NRBP2: variants seen among roughly 807,000 people sequenced by gnomAD.
NRBP2 encodes nuclear receptor binding protein 2, also known as nuclear receptor-binding protein 2.
Under a neutral mutation model 74.4 loss-of-function variants are expected in NRBP2, and 47 were observed. The observed-to-expected ratio is 0.63, with a 90% CI of 0.50 to 0.81. The LOEUF is 0.81. Ranked by LOEUF, NRBP2 falls within the 30% of genes least tolerant of loss-of-function variation. The pLI is 0.00. For synonymous variants in NRBP2, 312 were observed against 273.8 expected (o/e 1.14, Z -1.38); for missense variants, 613 against 690.1 (o/e 0.89, Z 1.25).
downstream of NRBP2, among the ~76,000 whole-genome samples, chr8:143,833,103 G>A (rs916539565): frequency 6.6e-6 from 1 of 152,204 alleles, no homozygotes; most frequent in Non-Finnish European, 1.5e-5. Context: ...CCACTGGGCT[G>A]TAAGTCCAAG....
rs1477843484 is a variant in NRBP2 at position 143,839,932 on chromosome 8, C to G, written c.351G>C (p.Ala117=). 6.5e-7 allele frequency: 1 copy of G among 1,536,006 alleles called. No individual in the cohort carries two copies. The highest frequency in any genetic ancestry group is 1.4e-5 in the African/African-American group (1 of 73,068). ...CCGGGGCCTTGCCCGTGCTCACCCT[C>G]GCGCAGGCCTCAGAGGTATCCAGCC... ...KYWLDTSEAC[A]RVIFITEYVS... Residue 117 remains alanine (A), a synonymous_variant, in exon 3 of 18, where the codon GCG becomes GCC. Transcript: ENST00000442628. The surrounding 1 kb of genome is among the most constrained non-coding windows in gnomAD (Gnocchi z 5.1).
chr8:143,838,841 TAGG>T (rs781808716), intron 9 of NRBP2, 39 bp downstream of exon 9: 37 of 1,612,476 alleles, frequency 2.3e-5, no homozygotes, highest in Middle Eastern at 3.3e-4. Context: ...AGGGCACAGT[TAGG>T]AGGAGGGCAG....
At chr8:143,830,343 G>A (rs1818100963), downstream of NRBP2, among the ~76,000 whole-genome samples, 1 of 152,230 alleles carries the variant, frequency 6.6e-6, no homozygotes, top group South Asian at 2.1e-4. Flanking sequence ...CTACAGAAAG[G>A]AAACCCCAGA....
rs528780173 is a variant in NRBP2 at position 143,835,017 on chromosome 8, T to A, written c.*645A>T. On this transcript the variant is annotated 3_prime_UTR_variant, in exon 18 of 18. Coordinates refer to ENST00000442628, the MANE Select transcript of NRBP2 (RefSeq NM_178564.4). The surrounding 1 kb of genome is among the most constrained non-coding windows in gnomAD (Gnocchi z 4.9). ...TGCAGAGGGGCTGCAAGTTCTGGTC[T>A]CAGGGTGGGTAAAGGGTCAAAGAGG... 1.3e-5 allele frequency: 2 copies of A among 152,982 alleles called. No individual in the cohort carries two copies. The highest frequency in any genetic ancestry group is 3.9e-4 in the East Asian group (2 of 5,184). The allele number at this position is 152,982 out of a possible 1,614,324, so 9.5% of individuals were successfully genotyped here. A position where few individuals can be genotyped will look rare whatever the true frequency, so the allele number is the denominator to read the frequency against.
At position 143,837,850 on chromosome 8, in the gene NRBP2, C is replaced by T. The variant is rs781934091; in HGVS notation, c.841-95G>A. The T allele has an allele frequency of 2.1e-6, 3 of 1,459,810 alleles. No individual in the cohort carries two copies. Among genetic ancestry groups the T allele is most frequent in the Non-Finnish European group, 2.8e-6 (3 of 1,071,156 alleles). 90.4% of individuals were successfully genotyped at this position (1,459,810 alleles called of 1,614,324 possible). On this transcript the variant is annotated intron_variant, in intron 10 of 17. Transcript: ENST00000442628. The surrounding 1 kb of genome is among the most constrained non-coding windows in gnomAD (Gnocchi z 4.3). ...GGTGGCCCCTGAGTTCCCCATGTCC[C>T]TCCTCAGGGACACACAGGACATGCA...
At chr8:143,836,066 C>T in intron 15 of NRBP2, 36 bp from the exon 16 acceptor site, 1 of 1,573,146 alleles carries the variant, frequency 6.4e-7, no homozygotes, top group Non-Finnish European at 8.6e-7. Context: ...GCTGGGGGTT[C>T]AGGGCTCCGC....
rs1586647415 is a variant in NRBP2 at position 143,834,635 on chromosome 8, C to T, written c.*1027G>A. The T allele has an allele frequency of 4.6e-5, 7 of 152,204 alleles. No homozygotes were observed. Among genetic ancestry groups the T allele is most frequent in the Admixed American group, 3.9e-4 (6 of 15,286 alleles). 9.4% of individuals were successfully genotyped at this position (152,204 alleles called of 1,614,324 possible). The stretch of plus-strand genomic sequence containing the variant: ...GACATTTGAAATGCGTTTAGAAAGG[C>T]ATGAATGCGCTAATGTATACATACA... On this transcript the variant is annotated 3_prime_UTR_variant, in exon 18 of 18. Transcript: ENST00000442628.
Position 143,840,055 on chromosome 8 carries a change from G to A in NRBP2, c.253-25C>T. The A allele has an allele frequency of 1.3e-6, 2 of 1,536,190 alleles. No individual in the cohort carries two copies. The highest frequency in any genetic ancestry group is 1.2e-5 in the South Asian group (1 of 84,068). On this transcript the variant is annotated intron_variant, in intron 2 of 17. Coordinates refer to ENST00000442628, the MANE Select transcript of NRBP2 (RefSeq NM_178564.4). This position sits in a 1 kb window ranked among gnomAD's most constrained non-coding sequence, Gnocchi z 5.7. ...CCTGGGGAGGGAGGGTGGTCGCTGG[G>A]TGGTCAGCAGGTGGTCACCCAAGCA...
chr8:143,835,377 G>C lies in NRBP2; in HGVS notation c.*285C>G. ...GCAGTGGCCCCGGCCAGGCAGCCTG[G>C]GTAGGAACTCAGGGCGGAGAATGGA... is the stretch of plus-strand genomic sequence containing the variant. On this transcript the variant is annotated 3_prime_UTR_variant, in exon 18 of 18. Coordinates refer to ENST00000442628, the MANE Select transcript of NRBP2 (RefSeq NM_178564.4). The surrounding 1 kb of genome is among the most constrained non-coding windows in gnomAD (Gnocchi z 4.9). 1 of 542,324 alleles carries C rather than the reference G, an allele frequency of 1.8e-6. No homozygotes were observed. Among genetic ancestry groups the C allele is most frequent in the South Asian group, 2.1e-5 (1 of 48,748 alleles). 33.6% of individuals were successfully genotyped at this position (542,324 alleles called of 1,614,324 possible). A position where few individuals can be genotyped will look rare whatever the true frequency, so the allele number is the denominator to read the frequency against.
intron 10 of NRBP2, chr8:143,838,194 G>A (rs1818515365): frequency 2.5e-6 from 1 of 392,784 alleles, no homozygotes; most frequent in Non-Finnish European, 4.8e-6. Flanking sequence ...ATGGAGTTAA[G>A]TCTAGACTCC....
downstream of NRBP2, among the ~76,000 whole-genome samples, chr8:143,830,057 A>G (rs1818083725): frequency 6.6e-6 from 1 of 152,242 alleles, no homozygotes; most frequent in Non-Finnish European, 1.5e-5. Context: ...AGGCACCTTC[A>G]GCTGCCTAAG....
Position 143,835,278 on chromosome 8 carries a change from G to A in NRBP2, c.*384C>T. On this transcript the variant is annotated 3_prime_UTR_variant, in exon 18 of 18. Coordinates refer to ENST00000442628, the MANE Select transcript of NRBP2 (RefSeq NM_178564.4). The surrounding 1 kb of genome is among the most constrained non-coding windows in gnomAD (Gnocchi z 4.9). ...GGAGCAGTTCCCTGGGCAGAGGTCT[G>A]TCCAGGGCTGACCCTCACCCCCAAG... 3.0e-6 allele frequency: 1 copy of A among 338,778 alleles called. No individual in the cohort carries two copies. 21.0% of individuals were successfully genotyped at this position (338,778 alleles called of 1,614,324 possible).
chr8:143,839,689 C>T lies in NRBP2; in HGVS notation c.444+47G>A. On this transcript the variant is annotated intron_variant, in intron 4 of 17. Coordinates refer to ENST00000442628, the MANE Select transcript of NRBP2 (RefSeq NM_178564.4). The surrounding 1 kb of genome is among the most constrained non-coding windows in gnomAD (Gnocchi z 5.1). ...TCACCATCCCAGTCCCCGAGGCTGC[C>T]CCAACCCCGTCCTGTCCCCGTGGCT... is the stretch of plus-strand genomic sequence containing the variant. 1 of 1,533,886 alleles carries T rather than the reference C, an allele frequency of 6.5e-7. No homozygotes were observed. Among genetic ancestry groups the T allele is most frequent in the Non-Finnish European group, 8.7e-7 (1 of 1,145,540 alleles).
chr8:143,838,451 G>A (rs1563862661), intron 10 of NRBP2, among the ~76,000 whole-genome samples: 1 of 152,240 alleles, frequency 6.6e-6, no homozygotes, highest in Non-Finnish European at 1.5e-5. Flanking sequence ...AGCCACAGAG[G>A]GAGGGTCTCT....
Position 143,837,294 on chromosome 8 carries a change from G to C in NRBP2, c.1082C>G (p.Ser361Trp), listed in dbSNP as rs559644082. ...GTCCAGCTCCATGAAGGAGACTTCCGAGTACCTGGCATGGAAGTGGGAGGC... is the reference window on the plus strand; with the variant it reads ...GTCCAGCTCCATGAAGGAGACTTCCCAGTACCTGGCATGGAAGTGGGAGGC... Reference protein sequence around the residue: ...PRRPPLQWRYSEVSFMELDKF... With the variant: ...PRRPPLQWRYWEVSFMELDKF... The change falls in exon 13 of 18, where the codon TCG (serine) becomes TGG (tryptophan). Residue 361 changes from serine to tryptophan, a missense_variant. Coordinates refer to ENST00000442628, the MANE Select transcript of NRBP2 (RefSeq NM_178564.4). The surrounding 1 kb of genome is among the most constrained non-coding windows in gnomAD (Gnocchi z 4.3). 6.2e-7 allele frequency: 1 copy of C among 1,609,896 alleles called. No homozygotes were observed. Among genetic ancestry groups the C allele is most frequent in the African/African-American group, 1.3e-5 (1 of 74,580 alleles).
rs1307591720 is a variant in NRBP2, at chr8:143,837,915, G to A, written c.841-160C>T. 2.3e-6 allele frequency: 2 copies of A among 859,408 alleles called. No individual in the cohort carries two copies. The highest frequency in any genetic ancestry group is 3.8e-6 in the Non-Finnish European group (2 of 528,612). The allele number at this position is 859,408 out of a possible 1,614,324, so 53.2% of individuals were successfully genotyped here. A position where few individuals can be genotyped will look rare whatever the true frequency, so the allele number is the denominator to read the frequency against. On this transcript the variant is annotated intron_variant, in intron 10 of 17. Coordinates refer to ENST00000442628, the MANE Select transcript of NRBP2 (RefSeq NM_178564.4). This position sits in a 1 kb window ranked among gnomAD's most constrained non-coding sequence, Gnocchi z 4.3. The stretch of plus-strand genomic sequence containing the variant: ...GAGGAGTCCCAGCAGCAGCAGCCAG[G>A]CCAGGACCTGGTCCTCTGAGCTTGA...
At position 143,840,230 on chromosome 8, in the gene NRBP2, C is replaced by G; in HGVS notation, c.130-1G>C. Reference sequence around the variant, plus strand: ...GCCCTGGCATGTTCCCTTGGTTTACCTGGGGGTGAATAAAGGGTTATGTGT... The same window carrying G: ...GCCCTGGCATGTTCCCTTGGTTTACGTGGGGGTGAATAAAGGGTTATGTGT... On this transcript the variant is annotated splice_acceptor_variant, in intron 1 of 17. Coordinates refer to ENST00000442628, the MANE Select transcript of NRBP2 (RefSeq NM_178564.4). LOFTEE classifies it high-confidence loss of function. The surrounding 1 kb of genome is among the most constrained non-coding windows in gnomAD (Gnocchi z 5.7). 6.5e-7 allele frequency: 1 copy of G among 1,535,934 alleles called. No homozygotes were observed. Among genetic ancestry groups the G allele is most frequent in the East Asian group, 2.4e-5 (1 of 40,908 alleles).
Position 143,837,875 on chromosome 8 carries a change from A to G in NRBP2, c.841-120T>C, listed in dbSNP as rs782809461. Reference sequence around the variant, plus strand: ...CTCCTCAGGGACACACAGGACATGCAGGGATGCCCATAGGGAGGAGTCCCA... The same window carrying G: ...CTCCTCAGGGACACACAGGACATGCGGGGATGCCCATAGGGAGGAGTCCCA... On this transcript the variant is annotated intron_variant, in intron 10 of 17. Transcript: ENST00000442628. This position sits in a 1 kb window ranked among gnomAD's most constrained non-coding sequence, Gnocchi z 4.3. 8 of 1,268,554 alleles carry G rather than the reference A, an allele frequency of 6.3e-6. No individual in the cohort carries two copies. In the South Asian group the frequency reaches 7.6e-5, roughly 12 times the overall value. 78.6% of individuals were successfully genotyped at this position (1,268,554 alleles called of 1,614,324 possible).
Position 143,840,444 on chromosome 8 carries a change from G to GATCCCC in NRBP2, c.130-216_130-215insGGGGAT. ...AGGGGATTTGGAGCAGGTTTCAGGGGGTCGAGGGGGATCCCCAGGAAGCTA... is the reference window on the plus strand; with the variant it reads ...AGGGGATTTGGAGCAGGTTTCAGGGGATCCCCGTCGAGGGGGATCCCCAGGAAGCTA... On this transcript the variant is annotated intron_variant, in intron 1 of 17. Coordinates refer to ENST00000442628, the MANE Select transcript of NRBP2 (RefSeq NM_178564.4). This position sits in a 1 kb window ranked among gnomAD's most constrained non-coding sequence, Gnocchi z 5.7. The GATCCCC allele has an allele frequency of 1.4e-6, 1 of 715,200 alleles. No individual in the cohort carries two copies. The highest frequency in any genetic ancestry group is 2.2e-6 in the Non-Finnish European group (1 of 444,804). The allele number at this position is 715,200 out of a possible 1,614,324, so 44.3% of individuals were successfully genotyped here.
Sources: gnomAD v4.1 joint callset for allele counts (sites outside exome capture counted in the v4.1 genomes callset) on GRCh38, gnomAD v4.1.1 for gene constraint, Gnocchi (gnomAD v3.1) non-coding constraint, MANE v1.5 for transcripts, NCBI Gene and HGNC (gene_info 2026-07-23, HGNC 2026-07-21) for gene names.